Variants in AMPH observed in about 807,000 individuals in gnomAD.
AMPH encodes the protein amphiphysin (Stiff-Mann syndrome with breast cancer 128kD autoantigen).
AMPH carries 49 observed loss-of-function variants against 99.1 expected under a neutral mutation model. That is an observed-to-expected ratio of 0.49 (90% CI 0.39 to 0.63). The LOEUF (loss-of-function observed/expected upper bound fraction) is 0.63. Among genes scored for constraint, AMPH ranks in the 20% least tolerant of loss-of-function variants. The pLI, the probability that AMPH is intolerant of heterozygous loss-of-function variation, is 0.00. For synonymous variants in AMPH, 314 were observed against 317.3 expected (o/e 0.99, Z 0.11); for missense variants, 759 against 863.4 (o/e 0.88, Z 1.52).
chr7:38,572,616 C>G (rs1183224708), intron 1 of AMPH, among the ~76,000 whole-genome samples: 2 of 152,136 alleles, frequency 1.3e-5, no homozygotes, highest in Admixed American at 1.3e-4. Flanking sequence ...TATTAATGAG[C>G]CCAAGGGCCA....
chr7:38,496,425 T>C (rs1022114468), intron 3 of AMPH, among the ~76,000 whole-genome samples: 6 of 152,052 alleles, frequency 3.9e-5, no homozygotes, highest in Admixed American at 2.6e-4. Context: ...CAATGAGGTG[T>C]CCTGCCTACA....
intron 5 of AMPH, among the ~76,000 whole-genome samples, chr7:38,478,807 A>T (rs1043485217): frequency 1.3e-5 from 2 of 152,176 alleles, no homozygotes; most frequent in African/African-American, 2.4e-5. Flanking sequence ...TAGAAATTTT[A>T]AAAATGTTAT....
Position 38,412,593 on chromosome 7 carries a change from G to C in AMPH, c.1398+5232C>G, listed in dbSNP as rs1009288085. ...AGATCAACCTGCTCTGTGAGGTTGG[G>C]GGAACTGATCACTGTGTTGTTACTT... is the stretch of plus-strand genomic sequence containing the variant. On this transcript the variant is annotated intron_variant, in intron 17 of 20. Transcript: ENST00000356264. 9.2e-5 allele frequency among the ~76,000 whole-genome samples: 14 copies of C among 152,254 alleles called. No individual in the cohort carries two copies. The East Asian group carries it at 2.7e-3, about 29-fold the overall frequency.
chr7:38,425,308 A>G (rs1785744171), intron 15 of AMPH, among the ~76,000 whole-genome samples: 1 of 152,200 alleles, frequency 6.6e-6, no homozygotes, highest in South Asian at 2.1e-4. Flanking sequence ...GCAGCCCAGG[A>G]GAGGAGGACA....
intron 3 of AMPH, among the ~76,000 whole-genome samples, chr7:38,499,666 A>G (rs1789059897): frequency 6.6e-6 from 1 of 152,162 alleles, no homozygotes; most frequent in Non-Finnish European, 1.5e-5. Context: ...AACAAGAAAA[A>G]TTGCCCATGA....
chr7:38,566,916 T>C (rs1259742759), intron 1 of AMPH, among the ~76,000 whole-genome samples: 1 of 152,134 alleles, frequency 6.6e-6, no homozygotes, highest in Admixed American at 6.5e-5. Context: ...TGTGGAGAAA[T>C]AGGAACGCTT....
At chr7:38,545,031 G>T (rs1790942675) in intron 1 of AMPH, among the ~76,000 whole-genome samples, 1 of 152,196 alleles carries the variant, frequency 6.6e-6, no homozygotes, top group African/African-American at 2.4e-5. Flanking sequence ...TGTGCTTAGA[G>T]AATTATTTTC....
intron 2 of AMPH, among the ~76,000 whole-genome samples, chr7:38,524,139 C>T (rs1010184120): frequency 3.9e-5 from 6 of 152,112 alleles, no homozygotes; most frequent in African/African-American, 1.4e-4. Flanking sequence ...AGTAATCTTC[C>T]CAGAAGCTAA....
At chr7:38,519,749 A>G (rs1334668830) in intron 2 of AMPH, among the ~76,000 whole-genome samples, 2 of 152,216 alleles carry the variant, frequency 1.3e-5, no homozygotes, top group East Asian at 3.8e-4. Flanking sequence ...AGCCCAGGCC[A>G]TGTCAGGCAT....
rs1037114445 is a variant in AMPH at position 38,433,034 on chromosome 7, G to A, written c.1135-822C>T. Among the ~76,000 whole-genome samples, 6 of 152,192 alleles carry A rather than the reference G, an allele frequency of 3.9e-5. No homozygotes were observed. The East Asian group carries it at 1.2e-3, about 29-fold the overall frequency. On this transcript the variant is annotated intron_variant, in intron 12 of 20. Coordinates refer to ENST00000356264, the MANE Select transcript of AMPH (RefSeq NM_001635.4). ...TGCTGCTAAAGCCACATCCGATTAT[G>A]CCCATGTCTTTGTGACTAGAATGGA...
At chr7:38,622,560 G>A (rs187836937) in intron 1 of AMPH, among the ~76,000 whole-genome samples, 425 of 152,048 alleles carry the variant, frequency 2.8e-3, no homozygotes, top group Non-Finnish European at 5.1e-3. Flanking sequence ...GGTCCTCTAG[G>A]GTAGTGTTTT....
intron 2 of AMPH, among the ~76,000 whole-genome samples, chr7:38,520,145 C>A (rs1562803798): frequency 6.6e-6 from 1 of 152,016 alleles, no homozygotes; most frequent in Non-Finnish European, 1.5e-5. Flanking sequence ...TTAACTATAT[C>A]TATAAAACAT....
At chr7:38,487,984 A>G (rs1435078487) in intron 5 of AMPH, among the ~76,000 whole-genome samples, 2 of 152,252 alleles carry the variant, frequency 1.3e-5, no homozygotes, top group Non-Finnish European at 2.9e-5. Context: ...ATACCATCTC[A>G]TGCCAGTTAG....
chr7:38,566,024 T>C (rs1268218517), intron 1 of AMPH, among the ~76,000 whole-genome samples: 2 of 152,312 alleles, frequency 1.3e-5, no homozygotes, highest in East Asian at 3.9e-4. Flanking sequence ...TTAGAAGAAA[T>C]GTGTTTTTTC....
chr7:38,488,204 A>G (rs935913325), intron 5 of AMPH, among the ~76,000 whole-genome samples: 17 of 152,168 alleles, frequency 1.1e-4, no homozygotes, highest in African/African-American at 3.4e-4. Context: ...AACTCATTCT[A>G]CAATAAAGAC....
At chr7:38,392,120 C>T (rs1584029409) in intron 18 of AMPH, 103 bp from the exon 19 acceptor site, 1 of 1,176,342 alleles carries the variant, frequency 8.5e-7, no homozygotes, top group South Asian at 1.5e-5. Flanking sequence ...CTGGGGCTGC[C>T]ACTTCCATAC....
At chr7:38,468,563 T>C (rs1787755581) in intron 7 of AMPH, among the ~76,000 whole-genome samples, 1 of 152,236 alleles carries the variant, frequency 6.6e-6, no homozygotes, top group Non-Finnish European at 1.5e-5. Flanking sequence ...ATATTTTGTT[T>C]TTTAATTTAG....
intron 2 of AMPH, among the ~76,000 whole-genome samples, chr7:38,528,857 G>A (rs2129037892): frequency 6.6e-6 from 1 of 152,014 alleles, no homozygotes; most frequent in South Asian, 2.1e-4. Flanking sequence ...AGCATTTAAT[G>A]CTATAAATTT....
intron 1 of AMPH, among the ~76,000 whole-genome samples, chr7:38,626,593 T>C (rs1172329333): frequency 6.6e-6 from 1 of 152,166 alleles, no homozygotes; most frequent in African/African-American, 2.4e-5. Flanking sequence ...ATAAAAACCT[T>C]AGAAGAAAAC....
Sources: allele counts gnomAD v4.1 joint callset (sites outside exome capture counted in the v4.1 genomes callset), GRCh38; gene constraint gnomAD v4.1.1; transcripts MANE v1.5; gene names NCBI Gene and HGNC (gene_info 2026-07-23, HGNC 2026-07-21).